The following COL16A1 variants were observed in gnomAD, a reference collection of about 807,000 sequenced individuals.
COL16A1 encodes collagen type XVI alpha 1 chain, also known as collagen alpha-1(XVI) chain.
Under a neutral mutation model 266.3 loss-of-function variants are expected in COL16A1, and 189 were observed. The observed-to-expected ratio is 0.71, with a 90% CI of 0.63 to 0.80. COL16A1 has a LOEUF of 0.80. Among genes scored for constraint, COL16A1 ranks in the 30% least tolerant of loss-of-function variants. The probability of loss-of-function intolerance (pLI) is 0.00; values close to 1 mark genes in which losing one functional copy is unlikely to be tolerated. For synonymous variants in COL16A1, 740 were observed against 782.3 expected (o/e 0.95, Z 0.90); for missense variants, 1,928 against 2,122.4 (o/e 0.91, Z 1.80).
chr1:31,681,141 G>C, intron 37 of COL16A1, 74 bp from the exon 38 acceptor site: 1 of 1,526,136 alleles, frequency 6.6e-7, no homozygotes. Flanking sequence ...GCAGAAAAGG[G>C]GTGTAGGACA....
rs562106305 is a variant in COL16A1 at position 31,685,275 on chromosome 1, G to A, written c.2016+364C>T. On this transcript the variant is annotated intron_variant, in intron 29 of 70. Transcript: ENST00000373672. The surrounding 1 kb of genome is among the most constrained non-coding windows in gnomAD (Gnocchi z 4.0). The stretch of plus-strand genomic sequence containing the variant: ...AACTGCCATTTCCCCAGTGCCCATG[G>A]TGTACCACTAAGCACTTCACACACG... Among the ~76,000 whole-genome samples the A allele has an allele frequency of 6.6e-6, 1 of 151,884 alleles. No individual in the cohort carries two copies. Among genetic ancestry groups the A allele is most frequent in the South Asian group, 2.1e-4 (1 of 4,826 alleles).
rs375296168 is a variant in COL16A1, at chr1:31,684,835, G to T, written c.2038C>A (p.Leu680Met). 87 of 1,613,962 alleles carry T rather than the reference G, an allele frequency of 5.4e-5. No homozygotes were observed. The highest frequency in any genetic ancestry group is 1.6e-4 in the Middle Eastern group (1 of 6,080). Residue 680 changes from leucine (L) to methionine (M), a missense_variant, in exon 30 of 71, where the codon CTG becomes ATG. Coordinates refer to ENST00000373672, the MANE Select transcript of COL16A1 (RefSeq NM_001856.4). ...CGCCCTCTCACCTTCTGCCCCTTCA[G>T]TCCACGCTCTCCAGCCTTGCCCTGA... ...GKQGKAGERG[L>M]KGQKGDAGNP...
Position 31,661,128 on chromosome 1 carries a change from G to T in COL16A1, c.3772-9C>A. 6.4e-7 allele frequency: 1 copy of T among 1,561,526 alleles called. No homozygotes were observed. The highest frequency in any genetic ancestry group is 8.7e-7 in the Non-Finnish European group (1 of 1,151,772). On this transcript the variant is annotated splice_polypyrimidine_tract_variant and intron_variant, in intron 60 of 70. Transcript: ENST00000373672. ...GGTTTGCCACAGTCACCCTAGAAGA[G>T]AGAGGAGCAGCTGGAGCTTACCAGA... is the stretch of plus-strand genomic sequence containing the variant.
chr1:31,660,490 CA>C, intron 62 of COL16A1, 94 bp downstream of exon 62: 1 of 1,533,886 alleles, frequency 6.5e-7, no homozygotes, highest in Non-Finnish European at 8.9e-7. Context: ...GCCCCTATGG[CA>C]AGTTCTCTCA....
intron 22 of COL16A1, 106 bp from the exon 23 acceptor site, chr1:31,689,957 C>T: frequency 2.2e-6 from 2 of 897,902 alleles, no homozygotes; most frequent in South Asian, 3.0e-5. Flanking sequence ...CCACCAGAGC[C>T]CCACCCCCAA....
Position 31,662,400 on chromosome 1 carries a change from AAG to A in COL16A1, c.3628-15_3628-14del. ...GACCGGCGGGGCCCTGGAAACAGGA[AAG>A]AGGCATTTCTACATGCTGGTGCGGG... is the stretch of plus-strand genomic sequence containing the variant. On this transcript the variant is annotated splice_polypyrimidine_tract_variant and intron_variant, in intron 57 of 70. Transcript: ENST00000373672. The A allele has an allele frequency of 6.2e-7, 1 of 1,610,836 alleles. No homozygotes were observed. Among genetic ancestry groups the A allele is most frequent in the Non-Finnish European group, 8.5e-7 (1 of 1,178,476 alleles).
At position 31,680,950 on chromosome 1, in the gene COL16A1, G is replaced by A. The variant is rs1440975087; in HGVS notation, c.2584-19C>T. 3 of 1,614,052 alleles carry A rather than the reference G, an allele frequency of 1.9e-6. No homozygotes were observed. In the African/African-American group the frequency reaches 4.0e-5, roughly 22 times the overall value. ...TTTCACCCTGCAGGGAAGAAACACA[G>A]GAAGGTGAGCAGATAGGGGTGCCGA... On this transcript the variant is annotated intron_variant, in intron 38 of 70. Transcript: ENST00000373672.
At chr1:31,671,444 G>C (rs915532203) in intron 48 of COL16A1, among the ~76,000 whole-genome samples, 171 bp downstream of exon 48, 5 of 152,218 alleles carry the variant, frequency 3.3e-5, no homozygotes. Context: ...GGCATCCGGT[G>C]GTGGGAGAGC....
At position 31,697,246 on chromosome 1, in the gene COL16A1, C is replaced by G. The variant is rs780753845; in HGVS notation, c.712G>C (p.Gly238Arg). 6.2e-7 allele frequency: 1 copy of G among 1,613,136 alleles called. No individual in the cohort carries two copies. Among genetic ancestry groups the G allele is most frequent in the South Asian group, 1.1e-5 (1 of 90,916 alleles). Residue 238 changes from glycine to arginine, a missense_variant, in exon 7 of 71, where the codon GGC becomes CGC. Gly to Arg is a moderately radical substitution (Grantham distance 125). Coordinates refer to ENST00000373672, the MANE Select transcript of COL16A1 (RefSeq NM_001856.4). This position sits in a 1 kb window ranked among gnomAD's most constrained non-coding sequence, Gnocchi z 4.2. ...CCTGCTGGTAAAATCTCACAGCAGC[C>G]CTCCTCCAGCACGAGCTCCGGGTCA... ...YCDPELVLEE[G>R]CCEILPAGCP...
At chr1:31,677,061 A>T (rs1051836310) in intron 42 of COL16A1, among the ~76,000 whole-genome samples, 5 of 150,956 alleles carry the variant, frequency 3.3e-5, no homozygotes, top group Non-Finnish European at 7.4e-5. Flanking sequence ...AATGCCTTGA[A>T]CATGTCAATT....
intron 2 of COL16A1, among the ~76,000 whole-genome samples, chr1:31,700,726 A>G (rs1644694952): frequency 6.6e-6 from 1 of 152,212 alleles, no homozygotes; most frequent in South Asian, 2.1e-4. Flanking sequence ...AGCAGGCCAG[A>G]CACAAGTAGG....
chr1:31,655,563 T>C, intron 66 of COL16A1, 61 bp from the exon 67 acceptor site: 1 of 1,593,754 alleles, frequency 6.3e-7, no homozygotes, highest in Non-Finnish European at 8.6e-7. Flanking sequence ...CAATCTGCTC[T>C]TTTCTCTCCA....
intron 41 of COL16A1, 46 bp downstream of exon 41, chr1:31,679,758 G>A (rs1182866996): frequency 8.1e-6 from 13 of 1,596,778 alleles, no homozygotes; most frequent in East Asian, 2.2e-5. Context: ...GTTTAGGGTG[G>A]ACAAGCCGCG....
At chr1:31,693,859 A>C (rs1557688696) in intron 12 of COL16A1, among the ~76,000 whole-genome samples, 1 of 152,174 alleles carries the variant, frequency 6.6e-6, no homozygotes, top group Non-Finnish European at 1.5e-5. Context: ...AAATGATAGC[A>C]CCCACCCTGC....
chr1:31,675,945 C>A (rs1643145416), intron 42 of COL16A1, among the ~76,000 whole-genome samples: 1 of 152,194 alleles, frequency 6.6e-6, no homozygotes, highest in Non-Finnish European at 1.5e-5. Flanking sequence ...GCGTGAACCA[C>A]CACACCCAGC....
In COL16A1 at chr1:31,697,617, G is replaced by T. The variant is rs72662997; in HGVS notation, c.657+289C>A. ...GGTGGAGGTAACAGCGTAGGCAAAG[G>T]CACGGCAGTGTGAAAGCACTGGGTG... On this transcript the variant is annotated intron_variant, in intron 6 of 70. Transcript: ENST00000373672. This position sits in a 1 kb window ranked among gnomAD's most constrained non-coding sequence, Gnocchi z 4.2. Among the ~76,000 whole-genome samples the T allele has an allele frequency of 1.3e-5, 2 of 152,132 alleles. No individual in the cohort carries two copies. Among genetic ancestry groups the T allele is most frequent in the Non-Finnish European group, 2.9e-5 (2 of 68,022 alleles).
intron 44 of COL16A1, among the ~76,000 whole-genome samples, chr1:31,674,239 G>A (rs1238479704): frequency 1.3e-5 from 2 of 152,210 alleles, no homozygotes. Flanking sequence ...ATGAGGGGGG[G>A]CTCTGGAGGC....
intron 52 of COL16A1, 42 bp downstream of exon 52, chr1:31,667,533 C>A: frequency 6.5e-7 from 1 of 1,532,566 alleles, no homozygotes; most frequent in East Asian, 2.4e-5. Context: ...TGTGTGGCTC[C>A]ACGTGCAGCC....
At chr1:31,681,740 C>T (rs991066905) in intron 37 of COL16A1, among the ~76,000 whole-genome samples, 3 of 152,384 alleles carry the variant, frequency 2.0e-5, no homozygotes, top group African/African-American at 7.2e-5. Flanking sequence ...GCTCGTAGCT[C>T]TGTGCTCATA....
Sources: gnomAD v4.1 joint callset for allele counts (sites outside exome capture counted in the v4.1 genomes callset) on GRCh38, gnomAD v4.1.1 for gene constraint, Gnocchi (gnomAD v3.1) non-coding constraint, MANE v1.5 for transcripts, NCBI Gene and HGNC (gene_info 2026-07-23, HGNC 2026-07-21) for gene names.